Variants in ADGRB3 observed in about 807,000 individuals in gnomAD.
The protein encoded by ADGRB3 is adhesion G protein-coupled receptor B3.
Under a neutral mutation model 193.4 loss-of-function variants are expected in ADGRB3, and 37 were observed. The ratio of observed to expected loss-of-function variants is 0.19; its 90% CI spans 0.15 to 0.25. The LOEUF (loss-of-function observed/expected upper bound fraction) is 0.25. ADGRB3 is among the 10% of genes least tolerant of loss of function. The pLI is 1.00. For missense variants in ADGRB3, 1,637 were observed against 1,852.9 expected (o/e 0.88, Z 2.14); for synonymous variants, 690 against 644.2 (o/e 1.07, Z -1.08).
intron 11 of ADGRB3, among the ~76,000 whole-genome samples, chr6:69,001,966 C>A (rs1178910075): frequency 6.6e-6 from 1 of 152,162 alleles, no homozygotes; most frequent in African/African-American, 2.4e-5. Flanking sequence ...TTTTTTATTT[C>A]ATTAAGAAAA....
chr6:69,039,502 C>A (rs543163168), intron 13 of ADGRB3, among the ~76,000 whole-genome samples: 7 of 151,928 alleles, frequency 4.6e-5, no homozygotes, highest in Non-Finnish European at 1.0e-4. Context: ...GATTTATGGG[C>A]CACATAGTCT....
intron 17 of ADGRB3, among the ~76,000 whole-genome samples, chr6:69,140,487 G>A (rs1441926277): frequency 1.3e-5 from 2 of 152,128 alleles, no homozygotes; most frequent in East Asian, 1.9e-4. Flanking sequence ...CTAGAAGCTG[G>A]GAGAGCTGGG....
At chr6:68,851,243 G>GTC (rs201685793) in intron 3 of ADGRB3, among the ~76,000 whole-genome samples, 13,684 of 151,582 alleles carry the variant, frequency 0.09, 806 homozygotes, top group Non-Finnish European at 0.13. Flanking sequence ...GCCTCCTTCT[G>GTC]TCTCTCTCTC....
At position 69,286,654 on chromosome 6, in the gene ADGRB3, C is replaced by T. The variant is rs529535853; in HGVS notation, c.2815-38218C>T. On this transcript the variant is annotated intron_variant, in intron 20 of 31. Coordinates refer to ENST00000370598, the MANE Select transcript of ADGRB3 (RefSeq NM_001704.3). ...TCCAAAATATTAGATCAGGGAGAAA[C>T]TGTCTTGGAGTCTTTTCAAAACTAG... 4.6e-5 allele frequency among the ~76,000 whole-genome samples: 7 copies of T among 152,270 alleles called. No homozygotes were observed. In the East Asian group the frequency reaches 1.4e-3, roughly 29 times the overall value.
chr6:69,286,354 C>T (rs1289274819), intron 20 of ADGRB3, among the ~76,000 whole-genome samples: 1 of 152,170 alleles, frequency 6.6e-6, no homozygotes, highest in Non-Finnish European at 1.5e-5. Context: ...ACTTTTCCAT[C>T]CTACTTTCTC....
chr6:68,774,735 G>A (rs1438294709), intron 3 of ADGRB3, among the ~76,000 whole-genome samples: 2 of 151,884 alleles, frequency 1.3e-5, no homozygotes, highest in African/African-American at 4.8e-5. Context: ...GGAGGCCTGG[G>A]AATCCATTCC....
intron 3 of ADGRB3, among the ~76,000 whole-genome samples, chr6:68,912,208 T>A (rs1766732586): frequency 6.6e-6 from 1 of 151,996 alleles, no homozygotes; most frequent in Non-Finnish European, 1.5e-5. Flanking sequence ...ATTAATGCCT[T>A]TCAGTCTCAG....
intron 3 of ADGRB3, among the ~76,000 whole-genome samples, chr6:68,786,044 T>C (rs1171100403): frequency 2.6e-5 from 4 of 151,884 alleles, no homozygotes; most frequent in Non-Finnish European, 4.4e-5. Flanking sequence ...TTGTAGATTC[T>C]GGATATTAGC....
At chr6:69,180,779 T>C (rs59600195) in intron 17 of ADGRB3, among the ~76,000 whole-genome samples, 274 of 152,314 alleles carry the variant, frequency 1.8e-3, no homozygotes, top group African/African-American at 6.2e-3. Flanking sequence ...TGGAGGCCCC[T>C]ACCCGACTCC....
chr6:68,975,361 A>G (rs1195095647), intron 10 of ADGRB3, 21 bp downstream of exon 10: 1 of 1,570,818 alleles, frequency 6.4e-7, no homozygotes, highest in South Asian at 1.1e-5. Context: ...AGCCAGCTTT[A>G]GTACTTGCTC....
chr6:69,108,821 C>T (rs1353304588), intron 17 of ADGRB3, among the ~76,000 whole-genome samples: 1 of 152,114 alleles, frequency 6.6e-6, no homozygotes, highest in Non-Finnish European at 1.5e-5. Context: ...ATGGTAAAGA[C>T]AGGCATGCAA....
chr6:68,830,201 A>G (rs1469011675), intron 3 of ADGRB3, among the ~76,000 whole-genome samples: 1 of 152,182 alleles, frequency 6.6e-6, no homozygotes, highest in Non-Finnish European at 1.5e-5. Context: ...ATTATTTTTG[A>G]CATTTTCAGA....
At chr6:68,980,109 A>G (rs1175081861) in intron 10 of ADGRB3, among the ~76,000 whole-genome samples, 1 of 151,620 alleles carries the variant, frequency 6.6e-6, no homozygotes, top group African/African-American at 2.4e-5. Flanking sequence ...AAGCTCTTCC[A>G]TAGGGAAATA....
rs569519794 is a variant in ADGRB3, at chr6:68,725,466, T to C, written c.757+86034T>C. ...AGATATGAAATAAGCCAGAAGATGATATTACCCAGAATGAGATGTATTCAT... is the reference window on the plus strand; with the variant it reads ...AGATATGAAATAAGCCAGAAGATGACATTACCCAGAATGAGATGTATTCAT... On this transcript the variant is annotated intron_variant, in intron 3 of 31. Transcript: ENST00000370598. 1.4e-4 allele frequency among the ~76,000 whole-genome samples: 22 copies of C among 151,762 alleles called. No individual in the cohort carries two copies. The South Asian group carries it at 4.1e-3, about 29-fold the overall frequency.
chr6:69,256,762 G>A (rs7765414), intron 20 of ADGRB3, among the ~76,000 whole-genome samples: 21,373 of 152,160 alleles, frequency 0.14, 1,570 homozygotes, highest in Middle Eastern at 0.16. Flanking sequence ...TGGTGAGAGA[G>A]GGCATCCCTG....
chr6:68,740,566 A>T (rs1346909641), intron 3 of ADGRB3, among the ~76,000 whole-genome samples: 1 of 152,218 alleles, frequency 6.6e-6, no homozygotes, highest in Non-Finnish European at 1.5e-5. Context: ...TTTATTAAAA[A>T]AATTCCAATT....
At chr6:69,181,593 G>T (rs1775586407) in intron 17 of ADGRB3, among the ~76,000 whole-genome samples, 2 of 152,024 alleles carry the variant, frequency 1.3e-5, no homozygotes, top group East Asian at 1.9e-4. Flanking sequence ...AATGGTTTTT[G>T]CTTCTTGCAT....
chr6:68,987,651 G>C (rs539907313), intron 10 of ADGRB3, among the ~76,000 whole-genome samples: 83 of 152,158 alleles, frequency 5.5e-4, no homozygotes, highest in African/African-American at 2.0e-3. Context: ...GACTGCCTGG[G>C]CTCAAATCTC....
chr6:69,021,142 A>G lies in ADGRB3; in HGVS notation c.2107+2643A>G, dbSNP rs200644813. 4.6e-5 allele frequency among the ~76,000 whole-genome samples: 7 copies of G among 152,066 alleles called. No individual in the cohort carries two copies. The East Asian group carries it at 1.4e-3, about 29-fold the overall frequency. Reference sequence around the variant, plus strand: ...GCACAAACACAGGCATGCACTCAGCATGTGAGAAATGAATAGAGACTGAGT... The same window carrying G: ...GCACAAACACAGGCATGCACTCAGCGTGTGAGAAATGAATAGAGACTGAGT... On this transcript the variant is annotated intron_variant, in intron 13 of 31. Transcript: ENST00000370598.
Sources: gnomAD v4.1 joint callset for allele counts (sites outside exome capture counted in the v4.1 genomes callset) on GRCh38, gnomAD v4.1.1 for gene constraint, MANE v1.5 for transcripts, NCBI Gene and HGNC (gene_info 2026-07-23, HGNC 2026-07-21) for gene names.